XPR1: variants seen among roughly 807,000 people sequenced by gnomAD.
XPR1 encodes xenotropic and polytropic retrovirus receptor 1, also known as solute carrier family 53 member 1.
A neutral mutation model predicts 87.5 loss-of-function variants in XPR1; 28 were observed. That is an observed-to-expected ratio of 0.32 (90% CI 0.24 to 0.44). XPR1 has a LOEUF of 0.44. XPR1 is among the 20% of genes least tolerant of loss of function. XPR1 has a pLI of 1.00. For missense variants in XPR1, 559 were observed against 862.3 expected (o/e 0.65, Z 4.41); for synonymous variants, 300 against 306.1 (o/e 0.98, Z 0.21).
intron 2 of XPR1, among the ~76,000 whole-genome samples, chr1:180,739,332 A>G (rs928328696): frequency 1.1e-4 from 17 of 152,264 alleles, no homozygotes; most frequent in African/African-American, 3.4e-4. Flanking sequence ...TTGTTTTTCA[A>G]AAATTTTATG....
chr1:180,687,483 C>T (rs1350235097), intron 2 of XPR1, among the ~76,000 whole-genome samples: 1 of 152,120 alleles, frequency 6.6e-6, no homozygotes, highest in Non-Finnish European at 1.5e-5. Context: ...TTCATGTAAA[C>T]ATACTATAAA....
chr1:180,854,627 G>A (rs762449177), intron 11 of XPR1, among the ~76,000 whole-genome samples: 1 of 152,208 alleles, frequency 6.6e-6, no homozygotes, highest in Admixed American at 6.5e-5. Context: ...GCAAAAGCAC[G>A]ATAAGGGAGG....
rs148404378 is a variant in XPR1, at chr1:180,772,735, C to T, written c.122-15018C>T. ...CAACCGCTCTTTGCCTGCTGGCATC[C>T]GCGTAAGATGTGACTTGCTCCTCCT... On this transcript the variant is annotated intron_variant, in intron 2 of 14. Transcript: ENST00000367590. Among the ~76,000 whole-genome samples the T allele has an allele frequency of 7.8e-3, 1,189 of 152,270 alleles. 18 individuals are homozygous for T. The highest frequency in any genetic ancestry group is 0.027 in the African/African-American group (1,136 of 41,542).
intron 7 of XPR1, among the ~76,000 whole-genome samples, chr1:180,819,750 G>A (rs1334836951): frequency 6.6e-6 from 1 of 152,148 alleles, no homozygotes; most frequent in Non-Finnish European, 1.5e-5. Flanking sequence ...GGGCGCGGTG[G>A]CTCATGCCTG....
At chr1:180,773,162 T>C (rs1399339201) in intron 2 of XPR1, among the ~76,000 whole-genome samples, 2 of 152,140 alleles carry the variant, frequency 1.3e-5, no homozygotes, top group Non-Finnish European at 2.9e-5. Flanking sequence ...AAGGGTTATT[T>C]AAGAGGGTGG....
chr1:180,846,288 A>T (rs890604739), intron 11 of XPR1, among the ~76,000 whole-genome samples: 10 of 150,982 alleles, frequency 6.6e-5, no homozygotes, highest in Non-Finnish European at 1.3e-4. Context: ...TGTCAAGGGT[A>T]GTTAGGGTAA....
chr1:180,850,817 A>G (rs906234803), intron 11 of XPR1, among the ~76,000 whole-genome samples: 2 of 152,248 alleles, frequency 1.3e-5, no homozygotes, highest in South Asian at 4.1e-4. Flanking sequence ...TAATTAGGCA[A>G]GTGTCGTGGT....
At chr1:180,788,805 A>G (rs1649273329) in intron 3 of XPR1, among the ~76,000 whole-genome samples, 1 of 152,222 alleles carries the variant, frequency 6.6e-6, no homozygotes, top group South Asian at 2.1e-4. Flanking sequence ...AAATACCATA[A>G]TCTTATAACT....
intron 2 of XPR1, among the ~76,000 whole-genome samples, chr1:180,710,950 C>T (rs530600450): frequency 2.0e-4 from 30 of 150,874 alleles, no homozygotes; most frequent in East Asian, 2.0e-3. Context: ...GGCTGCTGGG[C>T]GGAGGGGCTC....
chr1:180,795,738 A>G (rs1402011137), intron 3 of XPR1, among the ~76,000 whole-genome samples: 1 of 152,228 alleles, frequency 6.6e-6, no homozygotes, highest in African/African-American at 2.4e-5. Flanking sequence ...GATAAGACAG[A>G]CACATTTGCA....
At chr1:180,663,961 A>C (rs555416373) in intron 1 of XPR1, among the ~76,000 whole-genome samples, 1 of 152,082 alleles carries the variant, frequency 6.6e-6, no homozygotes, top group East Asian at 1.9e-4. Flanking sequence ...ACCAATGTGC[A>C]CTTATGGCCC....
At chr1:180,804,534 C>A (rs968046125) in intron 4 of XPR1, among the ~76,000 whole-genome samples, 1 of 151,922 alleles carries the variant, frequency 6.6e-6, no homozygotes, top group African/African-American at 2.4e-5. Flanking sequence ...GTGATTATTA[C>A]TTATAATGAG....
chr1:180,684,937 A>G (rs1318041318), intron 2 of XPR1, among the ~76,000 whole-genome samples: 1 of 152,140 alleles, frequency 6.6e-6, no homozygotes, highest in Non-Finnish European at 1.5e-5. Flanking sequence ...GCAAACAGGG[A>G]CAATTTGACT....
chr1:180,703,877 C>T (rs961010476), intron 2 of XPR1, among the ~76,000 whole-genome samples: 4 of 151,984 alleles, frequency 2.6e-5, no homozygotes, highest in Admixed American at 6.6e-5. Flanking sequence ...TACTCAGTAG[C>T]GATATGAGGT....
chr1:180,779,267 T>C (rs558476733), intron 2 of XPR1, among the ~76,000 whole-genome samples: 31 of 152,322 alleles, frequency 2.0e-4, no homozygotes, highest in Admixed American at 5.9e-4. Flanking sequence ...TATAATTCTT[T>C]GTTTACTTGT....
At position 180,704,274 on chromosome 1, in the gene XPR1, A is replaced by ATATATATATATATATATATATG; in HGVS notation, c.121+21866_121+21867insATATATATATATATATATGTAT. On this transcript the variant is annotated intron_variant, in intron 2 of 14. Coordinates refer to ENST00000367590, the MANE Select transcript of XPR1 (RefSeq NM_004736.4). ...TATATATATATATATATATATATAT[A>ATATATATATATATATATATATG]TATTATCAGATTATCTGTTTTGTTA... Among the ~76,000 whole-genome samples, 2 of 141,682 alleles carry ATATATATATATATATATATATG rather than the reference A, an allele frequency of 1.4e-5. 1 individual carries two copies. The highest frequency in any genetic ancestry group is 4.6e-4 in the South Asian group (2 of 4,358). 92.9% of individuals were successfully genotyped at this position (141,682 alleles called of 152,430 possible). A position where few individuals can be genotyped will look rare whatever the true frequency, so the allele number is the denominator to read the frequency against.
intron 1 of XPR1, among the ~76,000 whole-genome samples, chr1:180,676,253 G>A (rs369234375): frequency 6.6e-6 from 1 of 152,114 alleles, no homozygotes. Context: ...TTTATTGAGC[G>A]CCTACTGTGT....
At chr1:180,798,898 G>A (rs188769504) in intron 3 of XPR1, among the ~76,000 whole-genome samples, 16 of 152,288 alleles carry the variant, frequency 1.1e-4, no homozygotes, top group Admixed American at 2.0e-4. Flanking sequence ...ACAGGTGTGA[G>A]CCACCATGCC....
chr1:180,648,004 C>G (rs1285280402), intron 1 of XPR1, among the ~76,000 whole-genome samples: 1 of 150,700 alleles, frequency 6.6e-6, no homozygotes, highest in Non-Finnish European at 1.5e-5. Context: ...GGCCACTAGT[C>G]AGATGTGGTT....
Sources: allele counts gnomAD v4.1 joint callset (sites outside exome capture counted in the v4.1 genomes callset), GRCh38; gene constraint gnomAD v4.1.1; transcripts MANE v1.5; gene names NCBI Gene and HGNC (gene_info 2026-07-23, HGNC 2026-07-21).